Variants in DST observed in about 807,000 individuals in gnomAD.
The protein encoded by DST is bullous pemphigoid antigen.
Under a neutral mutation model 875.2 loss-of-function variants are expected in DST, and 253 were observed. That is an observed-to-expected ratio of 0.29 (90% CI 0.26 to 0.32). The LOEUF is 0.32. DST is among the 10% of genes least tolerant of loss of function. The pLI, the probability that DST is intolerant of heterozygous loss-of-function variation, is 1.00. For synonymous variants in DST, 3,124 were observed against 3,197.1 expected (o/e 0.98, Z 0.77); for missense variants, 8,287 against 9,111.6 (o/e 0.91, Z 3.68).
chr6:56,944,852 C>T (rs1412379767), intron 2 of DST, among the ~76,000 whole-genome samples: 2 of 152,186 alleles, frequency 1.3e-5, no homozygotes, highest in South Asian at 4.1e-4. Flanking sequence ...ACAGTTCTGG[C>T]CAGTGAAGGG....
In DST at chr6:56,598,484, T is replaced by G. The variant is rs200142626; in HGVS notation, c.11920A>C (p.Thr3974Pro). Residue 3974 changes from threonine to proline, a missense_variant, in exon 46 of 104, where the codon ACT (threonine) becomes CCT (proline). This residue lies in a region of DST where 1,513 missense variants were observed against 1,677.8 expected (regional missense o/e 0.90). Coordinates refer to ENST00000680361, the MANE Select transcript of DST (RefSeq NM_001374736.1). The stretch of plus-strand genomic sequence containing the variant: ...CATATTTGAATAAGGACCTTTTCAG[T>G]TTCTTCCTTGATTGCTGTTGTCACA... The part of the protein sequence containing the change: ...KVVTTAIKEE[T>P]EKVAAVKQLE... The G allele has an allele frequency of 1.6e-5, 25 of 1,559,128 alleles. No individual in the cohort carries two copies. The highest frequency in any genetic ancestry group is 1.7e-4 in the Middle Eastern group (1 of 5,842).
rs1383243392 is a variant in DST at position 56,938,108 on chromosome 6, C to CTCTCTATA, written c.216+15676_216+15677insTATAGAGA. Among the ~76,000 whole-genome samples the CTCTCTATA allele has an allele frequency of 4.6e-3, 552 of 120,710 alleles. 9 individuals carry two copies. The highest frequency in any genetic ancestry group is 0.018 in the African/African-American group (527 of 28,578). The allele number at this position is 120,710 out of a possible 152,430, so 79.2% of individuals were successfully genotyped here. The stretch of plus-strand genomic sequence containing the variant: ...TCTCTCTCTCTCTCTCTCTCTCTCT[C>CTCTCTATA]TATATATATATATATATATATATGT... On this transcript the variant is annotated intron_variant, in intron 2 of 103. Coordinates refer to ENST00000680361, the MANE Select transcript of DST (RefSeq NM_001374736.1).
chr6:56,638,803 AT>A (rs907394912), intron 22 of DST: 5 of 189,890 alleles, frequency 2.6e-5, no homozygotes, highest in Non-Finnish European at 4.4e-5. Flanking sequence ...AACAGCTGGT[AT>A]TTTTTTGAGA....
intron 17 of DST, 101 bp from the exon 18 acceptor site, chr6:56,640,706 C>T: frequency 2.1e-6 from 2 of 951,498 alleles, no homozygotes; most frequent in South Asian, 1.3e-5. Context: ...AATGATGTAT[C>T]AATGTTGGCT....
intron 4 of DST, among the ~76,000 whole-genome samples, chr6:56,812,677 T>C (rs925677753): frequency 6.6e-6 from 1 of 152,212 alleles, no homozygotes; most frequent in African/African-American, 2.4e-5. Context: ...CAGTCTTGAA[T>C]ATCAAACCTC....
chr6:56,710,157 G>A (rs2099357586), intron 5 of DST, among the ~76,000 whole-genome samples: 1 of 152,040 alleles, frequency 6.6e-6, no homozygotes, highest in Non-Finnish European at 1.5e-5. Flanking sequence ...GTAAAATCAA[G>A]AGCCCAATCT....
intron 69 of DST, among the ~76,000 whole-genome samples, chr6:56,520,317 T>C (rs2096671987): frequency 1.3e-5 from 2 of 152,052 alleles, no homozygotes; most frequent in Admixed American, 6.6e-5. Context: ...GAGAAAGAGA[T>C]TGTGACTGAA....
rs772699246 is a variant in DST at position 56,476,130 on chromosome 6, A to G, written c.21864+19T>C. On this transcript the variant is annotated intron_variant, in intron 92 of 103. Coordinates refer to ENST00000680361, the MANE Select transcript of DST (RefSeq NM_001374736.1). ...TCTGAGATAATGGTTAACAGGAGTT[A>G]GGATTATATTTATTTTACCTGGTGT... 7.0e-6 allele frequency: 11 copies of G among 1,573,682 alleles called. No homozygotes were observed. Among genetic ancestry groups the G allele is most frequent in the Non-Finnish European group, 9.5e-6 (11 of 1,155,824 alleles).
At chr6:56,903,213 A>G (rs1794924971) in intron 2 of DST, among the ~76,000 whole-genome samples, 1 of 152,178 alleles carries the variant, frequency 6.6e-6, no homozygotes, top group Non-Finnish European at 1.5e-5. Flanking sequence ...TCTTATGAGT[A>G]ATAAGCAACC....
intron 75 of DST, among the ~76,000 whole-genome samples, chr6:56,508,322 C>T (rs1006199299): frequency 2.6e-5 from 4 of 152,164 alleles, no homozygotes; most frequent in Non-Finnish European, 5.9e-5. Context: ...GCATGAGCCA[C>T]CACGCAGGCC....
At chr6:56,781,544 A>C (rs2099694003) in intron 4 of DST, among the ~76,000 whole-genome samples, 9 of 152,140 alleles carry the variant, frequency 5.9e-5, no homozygotes, top group Admixed American at 5.9e-4. Flanking sequence ...GGTGTACAAG[A>C]ATGCTTGTGA....
intron 3 of DST, among the ~76,000 whole-genome samples, chr6:56,879,335 G>A (rs1780949119): frequency 6.6e-6 from 1 of 152,194 alleles, no homozygotes. Flanking sequence ...GCCAGGAGCG[G>A]TGGCAGGCGC....
At chr6:56,508,365 T>C (rs552529880) in intron 75 of DST, among the ~76,000 whole-genome samples, 164 bp downstream of exon 75, 3 of 152,242 alleles carry the variant, frequency 2.0e-5, no homozygotes, top group African/African-American at 7.2e-5. Flanking sequence ...AATCTCAAAG[T>C]GAAATTTGTG....
rs77747137 is a variant in DST at position 56,692,522 on chromosome 6, T to A, written c.1047+7131A>T. On this transcript the variant is annotated intron_variant, in intron 9 of 103. Transcript: ENST00000680361. ...GTGTTTTGCTTTTCTTGAATACTGC[T>A]ATAACTTTTTGGTGGGTCTTCAGGA... 3.0e-3 allele frequency: 3,833 copies of A among 1,289,740 alleles called. 90 individuals are homozygous for A. The African/African-American group carries it at 0.052, about 18-fold the overall frequency. The allele number at this position is 1,289,740 out of a possible 1,614,324, so 79.9% of individuals were successfully genotyped here. A position where few individuals can be genotyped will look rare whatever the true frequency, so the allele number is the denominator to read the frequency against.
At chr6:56,833,997 G>A (rs2099790511) in intron 4 of DST, among the ~76,000 whole-genome samples, 1 of 151,840 alleles carries the variant, frequency 6.6e-6, no homozygotes, top group Non-Finnish European at 1.5e-5. Flanking sequence ...GAAAGCCAAG[G>A]CAGGAGGATC....
At chr6:56,637,005 C>T (rs1180517390) in intron 22 of DST, among the ~76,000 whole-genome samples, 3 of 152,154 alleles carry the variant, frequency 2.0e-5, no homozygotes, top group Admixed American at 2.0e-4. Flanking sequence ...ATTGCTTGAA[C>T]CCAGGAGGCG....
intron 12 of DST, among the ~76,000 whole-genome samples, 178 bp downstream of exon 12, chr6:56,650,748 T>C (rs1379313229): frequency 6.6e-6 from 1 of 152,202 alleles, no homozygotes; most frequent in Non-Finnish European, 1.5e-5. Context: ...ATACTTTAAA[T>C]TTAATGGTAG....
intron 61 of DST, among the ~76,000 whole-genome samples, chr6:56,543,098 G>A (rs1353857658): frequency 6.6e-6 from 1 of 152,220 alleles, no homozygotes; most frequent in Non-Finnish European, 1.5e-5. Context: ...TAGGGCTTGC[G>A]GAGGCAGAAC....
chr6:56,473,218 T>C (rs2094983756), intron 93 of DST, among the ~76,000 whole-genome samples: 1 of 152,216 alleles, frequency 6.6e-6, no homozygotes, highest in South Asian at 2.1e-4. Flanking sequence ...TCTTAATAGT[T>C]TACCTTGTCT....
Sources: allele counts gnomAD v4.1 joint callset (sites outside exome capture counted in the v4.1 genomes callset), GRCh38; gene constraint gnomAD v4.1.1; regional missense constraint gnomAD v4.1.1; transcripts MANE v1.5; gene names NCBI Gene and HGNC (gene_info 2026-07-23, HGNC 2026-07-21).